The following IL1RAP variants were observed in gnomAD, a reference collection of about 807,000 sequenced individuals.
IL1RAP encodes interleukin 1 receptor accessory protein.
IL1RAP carries 35 observed loss-of-function variants against 60.7 expected under a neutral mutation model. The observed-to-expected ratio is 0.58, with a 90% CI of 0.44 to 0.76. The LOEUF is 0.76. Among genes scored for constraint, IL1RAP ranks in the 30% least tolerant of loss-of-function variants. The pLI is 0.00. For missense variants in IL1RAP, 572 were observed against 693.9 expected, an observed-to-expected ratio of 0.82 and a Z score of 1.97; for synonymous variants, 268 against 250.9, an observed-to-expected ratio of 1.07 and a Z score of -0.64.
Position 190,629,358 on chromosome 3 carries a change from A to G in IL1RAP, c.911A>G (p.His304Arg). The G allele has an allele frequency of 2.5e-6, 4 of 1,605,598 alleles. No homozygotes were observed. The highest frequency in any genetic ancestry group is 1.3e-5 in the African/African-American group (1 of 74,728). The change falls in exon 9 of 12, where the codon CAT becomes CGT. Residue 304 changes from histidine (H) to arginine (R), a missense_variant. Physicochemically the swap from His to Arg is conservative, Grantham distance 29. Transcript: ENST00000447382. ...CTTCTCTCTATTTCTAGTATAAGTC[A>G]TAGTAGAACAGAAGATGAAACAAGA... Reference protein sequence around the residue: ...IDVTINESISHSRTEDETRTQ... With the variant: ...IDVTINESISRSRTEDETRTQ...
At chr3:190,569,225 C>CT (rs1193534826) in intron 3 of IL1RAP, among the ~76,000 whole-genome samples, 1 of 152,144 alleles carries the variant, frequency 6.6e-6, no homozygotes, top group Non-Finnish European at 1.5e-5. Context: ...GTTTCTTTTC[C>CT]TTTTTTTAAA....
intron 1 of IL1RAP, among the ~76,000 whole-genome samples, chr3:190,516,006 C>G (rs943450403): frequency 6.6e-6 from 1 of 152,102 alleles, no homozygotes; most frequent in Admixed American, 6.6e-5. Context: ...ACCCTTAACC[C>G]TTCTCATGAC....
chr3:190,592,277 G>C (rs1004354804), intron 3 of IL1RAP, among the ~76,000 whole-genome samples: 2 of 152,150 alleles, frequency 1.3e-5, no homozygotes, highest in African/African-American at 4.8e-5. Context: ...CCTTGGCCCA[G>C]AATTCATTAT....
chr3:190,516,842 C>G (rs1415932418), intron 1 of IL1RAP, among the ~76,000 whole-genome samples: 1 of 152,152 alleles, frequency 6.6e-6, no homozygotes, highest in Admixed American at 6.5e-5. Context: ...CTTAGCTAGT[C>G]TCAATTTATT....
intron 1 of IL1RAP, among the ~76,000 whole-genome samples, chr3:190,526,403 CACTT>C (rs1388515353): frequency 1.3e-5 from 2 of 152,176 alleles, no homozygotes; most frequent in African/African-American, 4.8e-5. Flanking sequence ...CTATTTGTCC[CACTT>C]ACTTTGTGGT....
At chr3:190,532,014 T>C (rs1392823981) in intron 1 of IL1RAP, among the ~76,000 whole-genome samples, 1 of 151,432 alleles carries the variant, frequency 6.6e-6, no homozygotes, top group Admixed American at 6.6e-5. Context: ...GAGGAATATG[T>C]TGTGTTTATA....
At chr3:190,654,308 AG>A (rs1368673698), downstream of IL1RAP, among the ~76,000 whole-genome samples, 1 of 151,910 alleles carries the variant, frequency 6.6e-6, no homozygotes, top group Admixed American at 6.6e-5. Context: ...AGCCAGGAGA[AG>A]CAGTAGACTT....
At chr3:190,592,259 C>G (rs1298654465) in intron 3 of IL1RAP, among the ~76,000 whole-genome samples, 1 of 152,226 alleles carries the variant, frequency 6.6e-6, no homozygotes, top group African/African-American at 2.4e-5. Context: ...CTCAGGTGAT[C>G]TGTCCTGCCT....
intron 3 of IL1RAP, among the ~76,000 whole-genome samples, chr3:190,573,201 T>C (rs763526854): frequency 2.0e-5 from 3 of 152,142 alleles, no homozygotes; most frequent in Non-Finnish European, 4.4e-5. Context: ...ACAGCAGAGA[T>C]GGTGGAGACT....
At chr3:190,593,425 C>A (rs1729113071) in intron 3 of IL1RAP, among the ~76,000 whole-genome samples, 2 of 152,064 alleles carry the variant, frequency 1.3e-5, no homozygotes. Context: ...GTAGCTCTAC[C>A]CTGAATAAAC....
At chr3:190,547,908 C>T (rs1020430153) in intron 1 of IL1RAP, among the ~76,000 whole-genome samples, 1 of 152,110 alleles carries the variant, frequency 6.6e-6, no homozygotes, top group Non-Finnish European at 1.5e-5. Context: ...ATGAGGAGCC[C>T]CTGGGTGTTG....
At position 190,620,388 on chromosome 3, in the gene IL1RAP, A is replaced by G; in HGVS notation, c.651A>G (p.Pro217=). 6.2e-7 allele frequency: 1 copy of G among 1,612,716 alleles called. No individual in the cohort carries two copies. The highest frequency in any genetic ancestry group is 8.5e-7 in the Non-Finnish European group (1 of 1,179,590). ...NGNYTCVVTY[P]ENGRTFHLTR... ...ATTACACATGTGTTGTTACATATCC[A>G]GAAAATGGACGTACGTTTCATCTCA... Residue 217 remains proline (P), a synonymous_variant, in exon 6 of 12, where the codon CCA becomes CCG. Transcript: ENST00000447382.
chr3:190,609,138 G>T lies in IL1RAP; in HGVS notation c.494G>T (p.Gly165Val). ...AGGATCACTTGTCCAAATGTAGATGGATATTTTCCTTCCAGTGTCAAACCG... is the reference window on the plus strand; with the variant it reads ...AGGATCACTTGTCCAAATGTAGATGTATATTTTCCTTCCAGTGTCAAACCG... ...IQRITCPNVD[G>V]YFPSSVKPTI... is the part of the protein sequence containing the mutation. The change falls in exon 5 of 12, where the codon GGA (glycine) becomes GTA (valine). Residue 165 changes from glycine (G) to valine (V), a missense_variant. By Grantham distance (109) the Gly-to-Val change is moderately radical. Transcript: ENST00000447382. 6.2e-7 allele frequency: 1 copy of T among 1,612,164 alleles called. No individual in the cohort carries two copies. Among genetic ancestry groups the T allele is most frequent in the African/African-American group, 1.3e-5 (1 of 74,912 alleles).
At chr3:190,597,832 G>T (rs1311090315) in intron 3 of IL1RAP, among the ~76,000 whole-genome samples, 2 of 151,988 alleles carry the variant, frequency 1.3e-5, no homozygotes, top group Middle Eastern at 3.4e-3. Flanking sequence ...TTCCCAATCG[G>T]CATTCTCCTA....
intron 7 of IL1RAP, among the ~76,000 whole-genome samples, chr3:190,626,056 C>T (rs1175412540): frequency 1.3e-5 from 2 of 152,138 alleles, no homozygotes; most frequent in Non-Finnish European, 1.5e-5. Flanking sequence ...TAAACCAGGA[C>T]ACTTTCTGTG....
At chr3:190,605,359 C>T (rs1446788854) in intron 4 of IL1RAP, among the ~76,000 whole-genome samples, 3 of 151,458 alleles carry the variant, frequency 2.0e-5, no homozygotes, top group Non-Finnish European at 1.5e-5. Context: ...CAAAACAAAA[C>T]AAAACAAACA....
rs1727001177 is a variant in IL1RAP, at chr3:190,572,393, A to G, written c.64+8040A>G. On this transcript the variant is annotated intron_variant, in intron 3 of 11. Coordinates refer to ENST00000447382, the MANE Select transcript of IL1RAP (RefSeq NM_002182.4). ...TGGTGTCCACTCAAGGTAAAGGCAAATAAGAAAAAAGAGAAGAAGGAGAGA... is the reference window on the plus strand; with the variant it reads ...TGGTGTCCACTCAAGGTAAAGGCAAGTAAGAAAAAAGAGAAGAAGGAGAGA... Among the ~76,000 whole-genome samples, 5 of 152,194 alleles carry G rather than the reference A, an allele frequency of 3.3e-5. No homozygotes were observed. In the South Asian group the frequency reaches 1.0e-3, roughly 31 times the overall value.
chr3:190,538,116 G>A (rs930754652), intron 1 of IL1RAP, among the ~76,000 whole-genome samples: 6 of 152,002 alleles, frequency 3.9e-5, no homozygotes, highest in African/African-American at 1.5e-4. Context: ...TCTTCCCCAT[G>A]AACCCTCCCT....
At chr3:190,583,711 A>T (rs1260838774) in intron 3 of IL1RAP, among the ~76,000 whole-genome samples, 1 of 152,168 alleles carries the variant, frequency 6.6e-6, no homozygotes, top group African/African-American at 2.4e-5. Context: ...ATATATCCAG[A>T]GGTGTAGTGT....
Sources: gnomAD v4.1 joint callset for allele counts (sites outside exome capture counted in the v4.1 genomes callset) on GRCh38, gnomAD v4.1.1 for gene constraint, MANE v1.5 for transcripts, NCBI Gene and HGNC (gene_info 2026-07-23, HGNC 2026-07-21) for gene names.